Variants in LRMDA observed in about 807,000 individuals in gnomAD.
LRMDA encodes leucine rich melanocyte differentiation associated.
A neutral mutation model predicts 29.8 loss-of-function variants in LRMDA; 18 were observed. The observed-to-expected ratio is 0.60, with a 90% CI of 0.42 to 0.90. The LOEUF is 0.90. LRMDA is among the 40% of genes least tolerant of loss of function. The pLI is 0.00. For missense variants in LRMDA, 273 were observed against 273.9 expected (o/e 1.00, Z 0.02); for synonymous variants, 125 against 109.4 (o/e 1.14, Z -0.89).
chr10:76,158,081 T>G (rs1850573709), intron 5 of LRMDA, among the ~76,000 whole-genome samples: 1 of 152,182 alleles, frequency 6.6e-6, no homozygotes, highest in Non-Finnish European at 1.5e-5. Context: ...GATATTTGAC[T>G]GTATATGGGA....
At position 75,471,779 on chromosome 10, in the gene LRMDA, C is replaced by G. The variant is rs1008610992; in HGVS notation, c.131+33285C>G. 2.6e-5 allele frequency among the ~76,000 whole-genome samples: 4 copies of G among 152,126 alleles called. 1 individual carries two copies. The highest frequency in any genetic ancestry group is 2.6e-4 in the Admixed American group (4 of 15,288). ...TTCTAATTTCTTTGATGTTGGAAATCGAGTGGTGAGTTCTGAAACTCCCTC... is the reference window on the plus strand; with the variant it reads ...TTCTAATTTCTTTGATGTTGGAAATGGAGTGGTGAGTTCTGAAACTCCCTC... On this transcript the variant is annotated intron_variant, in intron 2 of 6. Coordinates refer to ENST00000611255, the MANE Select transcript of LRMDA (RefSeq NM_001305581.2).
intron 5 of LRMDA, chr10:76,318,790 G>A (rs949868134): frequency 3.3e-5 from 5 of 152,274 alleles, no homozygotes; most frequent in African/African-American, 1.2e-4. Context: ...GGAAGCTTCA[G>A]CCTTCTACCT....
chr10:76,388,718 T>C (rs550288821), intron 6 of LRMDA, among the ~76,000 whole-genome samples: 1 of 152,348 alleles, frequency 6.6e-6, no homozygotes, highest in African/African-American at 2.4e-5. Flanking sequence ...ATGTTGAAGA[T>C]CAAATGGAAT....
chr10:76,311,616 T>C (rs1307039971), intron 5 of LRMDA, among the ~76,000 whole-genome samples: 1 of 152,218 alleles, frequency 6.6e-6, no homozygotes, highest in Non-Finnish European at 1.5e-5. Context: ...GTTCATTTCA[T>C]TCCAATTTAC....
chr10:76,004,796 T>C (rs2132472454), intron 2 of LRMDA, among the ~76,000 whole-genome samples: 1 of 151,556 alleles, frequency 6.6e-6, no homozygotes, highest in Non-Finnish European at 1.5e-5. Context: ...GGCGTGATCT[T>C]GGCTCACTGC....
chr10:75,734,924 C>T (rs1209471056), intron 2 of LRMDA, among the ~76,000 whole-genome samples: 1 of 152,208 alleles, frequency 6.6e-6, no homozygotes, highest in Non-Finnish European at 1.5e-5. Flanking sequence ...GCCTGTCCTT[C>T]TGTGATGCTC....
chr10:75,665,199 T>C (rs554283500), intron 2 of LRMDA, among the ~76,000 whole-genome samples: 1 of 152,340 alleles, frequency 6.6e-6, no homozygotes, highest in Admixed American at 6.5e-5. Context: ...CTTAGCTTTC[T>C]GTTGTCAGCG....
At chr10:76,254,989 G>T (rs928742802) in intron 5 of LRMDA, among the ~76,000 whole-genome samples, 2 of 152,054 alleles carry the variant, frequency 1.3e-5, no homozygotes, top group African/African-American at 4.8e-5. Flanking sequence ...GTACTTTTTT[G>T]GCCTAACCTT....
chr10:76,475,856 A>G (rs1261252188), intron 6 of LRMDA, among the ~76,000 whole-genome samples: 4 of 152,170 alleles, frequency 2.6e-5, no homozygotes, highest in Non-Finnish European at 4.4e-5. Flanking sequence ...ACCAACGAGA[A>G]CAAAGACACA....
chr10:76,496,495 C>T (rs1465264409), intron 6 of LRMDA, among the ~76,000 whole-genome samples: 1 of 75,114 alleles, frequency 1.3e-5, no homozygotes, highest in East Asian at 2.5e-4. Flanking sequence ...CAATGTCTTT[C>T]GTATATTTTG....
chr10:76,022,725 A>G (rs1029879189), intron 2 of LRMDA, among the ~76,000 whole-genome samples: 9 of 152,142 alleles, frequency 5.9e-5, no homozygotes, highest in African/African-American at 2.2e-4. Context: ...GCTGGGAGGA[A>G]ACCTATTTTA....
At chr10:76,063,341 A>T (rs116603029) in intron 5 of LRMDA, among the ~76,000 whole-genome samples, 2 of 152,124 alleles carry the variant, frequency 1.3e-5, no homozygotes, top group South Asian at 2.1e-4. Flanking sequence ...GTTTTTTCCC[A>T]TGCAGGTGTG....
At chr10:75,588,101 A>C (rs888440209) in intron 2 of LRMDA, among the ~76,000 whole-genome samples, 2 of 152,176 alleles carry the variant, frequency 1.3e-5, no homozygotes, top group Non-Finnish European at 2.9e-5. Context: ...GATAATCTCA[A>C]GGGGGCACCA....
At chr10:75,970,602 A>G (rs1056217209) in intron 2 of LRMDA, among the ~76,000 whole-genome samples, 1 of 152,162 alleles carries the variant, frequency 6.6e-6, no homozygotes, top group Non-Finnish European at 1.5e-5. Flanking sequence ...ATGGGATTGT[A>G]TTCTAGTTGC....
At chr10:75,884,473 C>T (rs1463294207) in intron 2 of LRMDA, among the ~76,000 whole-genome samples, 2 of 152,216 alleles carry the variant, frequency 1.3e-5, no homozygotes, top group East Asian at 3.9e-4. Flanking sequence ...TCAAGGATGG[C>T]ACCAAGTGAC....
intron 6 of LRMDA, among the ~76,000 whole-genome samples, chr10:76,349,150 G>A (rs1280450737): frequency 2.0e-5 from 3 of 152,156 alleles, no homozygotes; most frequent in Non-Finnish European, 4.4e-5. Flanking sequence ...TGAATATGAA[G>A]TATTCATAGT....
intron 6 of LRMDA, among the ~76,000 whole-genome samples, chr10:76,553,205 C>T (rs1259173314): frequency 2.0e-5 from 3 of 152,218 alleles, no homozygotes; most frequent in Non-Finnish European, 2.9e-5. Flanking sequence ...GACAGCTGCA[C>T]GTCAGCCTGA....
intron 2 of LRMDA, among the ~76,000 whole-genome samples, chr10:75,821,147 C>T (rs1291914625): frequency 6.6e-6 from 1 of 152,074 alleles, no homozygotes; most frequent in African/African-American, 2.4e-5. Flanking sequence ...GGAGGGAATC[C>T]TTCCTTACTC....
intron 2 of LRMDA, among the ~76,000 whole-genome samples, chr10:75,883,969 G>A (rs915767098): frequency 4.6e-5 from 7 of 151,802 alleles, no homozygotes; most frequent in African/African-American, 1.2e-4. Flanking sequence ...ATTGTGAGGC[G>A]TTTGTTGTTA....
Sources: allele counts gnomAD v4.1 joint callset (sites outside exome capture counted in the v4.1 genomes callset), GRCh38; gene constraint gnomAD v4.1.1; transcripts MANE v1.5; gene names NCBI Gene and HGNC (gene_info 2026-07-23, HGNC 2026-07-21).